POLG: variants seen among roughly 807,000 people sequenced by gnomAD.
POLG encodes DNA polymerase subunit gamma-1.
POLG carries 110 observed loss-of-function variants against 155.4 expected under a neutral mutation model. The observed-to-expected ratio is 0.71, with a 90% CI of 0.61 to 0.83. The LOEUF (loss-of-function observed/expected upper bound fraction) is 0.83. POLG is among the 40% of genes least tolerant of loss of function. The pLI, the probability that POLG is intolerant of heterozygous loss-of-function variation, is 0.00. For missense variants in POLG, 1,685 were observed against 1,627.5 expected (o/e 1.04, Z -0.61); for synonymous variants, 701 against 631.5 (o/e 1.11, Z -1.65).
In POLG at chr15:89,323,686, C is replaced by T. The variant is rs2055430710; in HGVS notation, c.2157+129G>A. 14 of 883,094 alleles carry T rather than the reference C, an allele frequency of 1.6e-5. No homozygotes were observed. The East Asian group carries it at 3.5e-4, about 22-fold the overall frequency. 54.7% of individuals were successfully genotyped at this position (883,094 alleles called of 1,614,324 possible). The stretch of plus-strand genomic sequence containing the variant: ...TTGCTCCAACACGTGTGGGGCCTCC[C>T]AGGGGCAGGGTGGCATCTCCAACCC... On this transcript the variant is annotated intron_variant, in intron 12 of 22. Coordinates refer to ENST00000268124, the MANE Select transcript of POLG (RefSeq NM_002693.3).
Position 89,322,033 on chromosome 15 carries a change from G to GT in POLG, c.2427-19dup. On this transcript the variant is annotated intron_variant, in intron 14 of 22. Transcript: ENST00000268124. ...TCTGGGAGCTGTGGGGACAGACAAC[G>GT]TGAGGCTCAGCACAGCCATGGGAAG... 6.2e-6 allele frequency: 10 copies of GT among 1,613,178 alleles called. No individual in the cohort carries two copies. The highest frequency in any genetic ancestry group is 8.5e-6 in the Non-Finnish European group (10 of 1,179,130).
At chr15:89,321,090 G>GGGGCT in intron 17 of POLG, 35 bp downstream of exon 17, 2 of 1,472,302 alleles carry the variant, frequency 1.4e-6, no homozygotes, top group South Asian at 2.3e-5. Flanking sequence ...AATATGCTGA[G>GGGGCT]GGGCTGGGCT....
Position 89,316,477 on chromosome 15 carries a change from A to T in POLG, c.*274T>A. ...AAAAATAAATGAAATGCCTGAGTTAATGTGAACTTTGGGGCTTCTGCTTCA... is the reference window on the plus strand; with the variant it reads ...AAAAATAAATGAAATGCCTGAGTTATTGTGAACTTTGGGGCTTCTGCTTCA... On this transcript the variant is annotated 3_prime_UTR_variant, in exon 23 of 23. Coordinates refer to ENST00000268124, the MANE Select transcript of POLG (RefSeq NM_002693.3). 1 of 1,602,478 alleles carries T rather than the reference A, an allele frequency of 6.2e-7. No individual in the cohort carries two copies.
Position 89,316,345 on chromosome 15 carries a change from C to A in POLG, c.*406G>T. The A allele has an allele frequency of 1.3e-6, 2 of 1,545,020 alleles. No individual in the cohort carries two copies. Among genetic ancestry groups the A allele is most frequent in the Non-Finnish European group, 1.8e-6 (2 of 1,128,098 alleles). On this transcript the variant is annotated 3_prime_UTR_variant, in exon 23 of 23. Transcript: ENST00000268124. ...TTTTTTTTCCTTCTTTTTATTTCCA[C>A]TGCCTTGGAGCAGGTTTATCACGTT...
In POLG at chr15:89,318,578, C is replaced by T. The variant is rs879135314; in HGVS notation, c.3445G>A (p.Ala1149Thr). ...TTGGTGATCTGCAAGGCCAGGGCAG[C>T]GCGGTAGCGGTCCTCCTCCCGCACC... ...YLVREEDRYR[A>T]ALALQITNLL... The change falls in exon 21 of 23, where the codon GCT (alanine) becomes ACT (threonine). Residue 1149 changes from alanine (A) to threonine (T), a missense_variant. Physicochemically the swap from Ala to Thr is moderately conservative, Grantham distance 58. This residue lies in a region of POLG where 470 missense variants were observed against 439.9 expected (regional missense o/e 1.07). Transcript: ENST00000268124. 3.2e-5 allele frequency: 52 copies of T among 1,613,796 alleles called. No individual in the cohort carries two copies. The highest frequency in any genetic ancestry group is 1.7e-4 in the Middle Eastern group (1 of 5,888).
chr15:89,334,322 G>A (rs1342554931), intron 1 of POLG: 1 of 155,512 alleles, frequency 6.4e-6, no homozygotes, highest in African/African-American at 2.4e-5. Flanking sequence ...TATGTCGTGC[G>A]GCCCTGCTCT....
chr15:89,318,820 C>T (rs1350096620), intron 20 of POLG, 71 bp from the exon 21 acceptor site: 27 of 1,560,082 alleles, frequency 1.7e-5, no homozygotes, highest in Admixed American at 6.7e-5. Context: ...GTAGAAGCCC[C>T]AAGAGAAGCT....
rs180754827 is a variant in POLG, at chr15:89,326,593, G to C, written c.1712+19C>G. 1 of 1,612,194 alleles carries C rather than the reference G, an allele frequency of 6.2e-7. No individual in the cohort carries two copies. The highest frequency in any genetic ancestry group is 2.2e-5 in the East Asian group (1 of 44,868). On this transcript the variant is annotated intron_variant, in intron 9 of 22. Coordinates refer to ENST00000268124, the MANE Select transcript of POLG (RefSeq NM_002693.3). The stretch of plus-strand genomic sequence containing the variant: ...AAGGGTAGACTCTAGATACACTGCT[G>C]GGGGTGGGCAGGGCTCACCCAGGGT...
rs142994552 is a variant in POLG, at chr15:89,328,256, T to A, written c.1250+200A>T. ...CACATGACACACAAGCACAACTCCA[T>A]GGCCCTCCCCTTCAGGGCCTCTGTC... is the stretch of plus-strand genomic sequence containing the variant. On this transcript the variant is annotated intron_variant, in intron 6 of 22. Coordinates refer to ENST00000268124, the MANE Select transcript of POLG (RefSeq NM_002693.3). 3.6e-3 allele frequency among the ~76,000 whole-genome samples: 548 copies of A among 152,302 alleles called. 6 individuals carry two copies. Among genetic ancestry groups the A allele is most frequent in the African/African-American group, 0.012 (508 of 41,552 alleles).
At chr15:89,317,343 A>C in intron 22 of POLG, 33 bp downstream of exon 22, 1 of 1,608,180 alleles carries the variant, frequency 6.2e-7, no homozygotes, top group Non-Finnish European at 8.5e-7. Context: ...CTCAGATCCT[A>C]TGTGTAATGA....
chr15:89,323,844 C>T lies in POLG; in HGVS notation c.2128G>A (p.Ala710Thr). 1.2e-6 allele frequency: 2 copies of T among 1,614,128 alleles called. No homozygotes were observed. The highest frequency in any genetic ancestry group is 1.7e-6 in the Non-Finnish European group (2 of 1,179,942). The stretch of plus-strand genomic sequence containing the variant: ...GCTAGGGGTTGACCTGGCACTGCAG[C>T]TCGCAAGTTCTCCATCTTGGCCTCA... ...EAEAKMENLRAAVPGQPLALT... is the reference protein window; with the variant it reads ...EAEAKMENLRTAVPGQPLALT... The change falls in exon 12 of 23, where the codon GCT becomes ACT. Residue 710 changes from alanine to threonine, a missense_variant. Ala to Thr is a moderately conservative substitution (Grantham distance 58). Around this residue, in one of 3 missense-constraint regions of POLG, gnomAD observed 1,210 missense variants for 1,167.1 expected, o/e 1.04. Coordinates refer to ENST00000268124, the MANE Select transcript of POLG (RefSeq NM_002693.3).
Position 89,319,063 on chromosome 15 carries a change from C to A in POLG, c.3141G>T (p.Arg1047=), listed in dbSNP as rs2055354249. Residue 1047 remains arginine, a synonymous_variant, in exon 20 of 23, where the codon CGG becomes CGT. Coordinates refer to ENST00000268124, the MANE Select transcript of POLG (RefSeq NM_002693.3). ...QWKKWEVVAE[R]AWKGGTESEM... ...CTGACTCTGTGCCCCCCTTCCATGC[C>A]CGTTCAGCAACCACCTCCCACTTCT... is the stretch of plus-strand genomic sequence containing the variant. 2 of 1,614,140 alleles carry A rather than the reference C, an allele frequency of 1.2e-6. No homozygotes were observed. Among genetic ancestry groups the A allele is most frequent in the Non-Finnish European group, 1.7e-6 (2 of 1,180,012 alleles).
In POLG at chr15:89,330,221, G is replaced by T; in HGVS notation, c.715C>A (p.Leu239Met). Residue 239 changes from leucine (L) to methionine (M), a missense_variant, in exon 3 of 23, where the codon CTG becomes ATG. Leu to Met is a conservative substitution (Grantham distance 15). Coordinates refer to ENST00000268124, the MANE Select transcript of POLG (RefSeq NM_002693.3). ...VEERYSWTSQ[L>M]SPADLIPLEV... Reference sequence around the variant, plus strand: ...AGGGGGATGAGGTCAGCCGGCGACAGCTGGCTGGTCCAAGAGTAACGCTCT... The same window carrying T: ...AGGGGGATGAGGTCAGCCGGCGACATCTGGCTGGTCCAAGAGTAACGCTCT... 6.2e-7 allele frequency: 1 copy of T among 1,613,434 alleles called. No individual in the cohort carries two copies. The highest frequency in any genetic ancestry group is 8.5e-7 in the Non-Finnish European group (1 of 1,179,992).
At chr15:89,324,357 A>C in intron 10 of POLG, 130 bp from the exon 11 acceptor site, 1 of 1,043,762 alleles carries the variant, frequency 9.6e-7, no homozygotes, top group South Asian at 1.3e-5. Flanking sequence ...AGAACCAGAT[A>C]GCACTTTCCC....
rs757336380 is a variant in POLG at position 89,333,370 on chromosome 15, G to C, written c.385C>G (p.Pro129Ala). 6.3e-7 allele frequency: 1 copy of C among 1,576,954 alleles called. No individual in the cohort carries two copies. The highest frequency in any genetic ancestry group is 8.6e-7 in the Non-Finnish European group (1 of 1,164,464). The change falls in exon 2 of 23, where the codon CCC becomes GCC. Residue 129 changes from proline (P) to alanine (A), a missense_variant. Transcript: ENST00000268124. ...PLPDVELRLP[P>A]LYGDNLDQHF... ...TGGTCCAGGTTGTCCCCGTAGAGGG[G>C]CGGCAGGCGCAGCTCCACGTCGGGC...
chr15:89,329,227 C>A, intron 3 of POLG, 117 bp from the exon 4 acceptor site: 1 of 807,948 alleles, frequency 1.2e-6, no homozygotes, highest in Non-Finnish European at 2.0e-6. Context: ...AAACAGCCTC[C>A]CCTCCCAGCA....
In POLG at chr15:89,316,689, T is replaced by G; in HGVS notation, c.*62A>C. 7.2e-7 allele frequency: 1 copy of G among 1,390,618 alleles called. No homozygotes were observed. Among genetic ancestry groups the G allele is most frequent in the Non-Finnish European group, 1.0e-6 (1 of 982,560 alleles). 86.1% of individuals were successfully genotyped at this position (1,390,618 alleles called of 1,614,324 possible). A position where few individuals can be genotyped will look rare whatever the true frequency, so the allele number is the denominator to read the frequency against. On this transcript the variant is annotated 3_prime_UTR_variant, in exon 23 of 23. Coordinates refer to ENST00000268124, the MANE Select transcript of POLG (RefSeq NM_002693.3). Reference sequence around the variant, plus strand: ...AAAAAGCACAGCTGAAAGCCTGAGTTTGGGAGCCTGCACCACCCCGATGAA... The same window carrying G: ...AAAAAGCACAGCTGAAAGCCTGAGTGTGGGAGCCTGCACCACCCCGATGAA...
intron 1 of POLG, 160 bp from the exon 2 acceptor site, chr15:89,334,073 C>G (rs560482663): frequency 4.7e-6 from 2 of 421,486 alleles, no homozygotes; most frequent in Non-Finnish European, 4.3e-6. Flanking sequence ...GTCAATACCC[C>G]TCCTGGGGGA....
At chr15:89,332,976 C>A (rs1042271018) in intron 2 of POLG, 120 bp downstream of exon 2, 5 of 1,346,992 alleles carry the variant, frequency 3.7e-6, no homozygotes, top group Non-Finnish European at 4.0e-6. Context: ...TAATTCAACA[C>A]ATCAGCGCTC....
Sources: allele counts gnomAD v4.1 joint callset (sites outside exome capture counted in the v4.1 genomes callset), GRCh38; gene constraint gnomAD v4.1.1; regional missense constraint gnomAD v4.1.1; transcripts MANE v1.5; gene names NCBI Gene and HGNC (gene_info 2026-07-23, HGNC 2026-07-21).